The following SNX25 variants were observed in gnomAD, a reference collection of about 807,000 sequenced individuals.
The protein encoded by SNX25 is sorting nexin 25.
In SNX25, 62 loss-of-function variants were observed where a neutral mutation model predicts 113.7. That is an observed-to-expected ratio of 0.55 (90% CI 0.44 to 0.67). The LOEUF (loss-of-function observed/expected upper bound fraction) is 0.67. Among genes scored for constraint, SNX25 ranks in the 30% least tolerant of loss-of-function variants. The probability of loss-of-function intolerance (pLI) is 0.00; values close to 1 mark genes in which losing one functional copy is unlikely to be tolerated. For synonymous variants in SNX25, 421 were observed against 436.2 expected, an observed-to-expected ratio of 0.97 and a Z score of 0.43; for missense variants, 1,014 against 1,161.0, an observed-to-expected ratio of 0.87 and a Z score of 1.84.
chr4:185,319,193 CTTTT>C (rs143650995), intron 7 of SNX25, among the ~76,000 whole-genome samples: 2 of 85,970 alleles, frequency 2.3e-5, no homozygotes, highest in East Asian at 3.1e-4. Flanking sequence ...TGAGAAAGTC[CTTTT>C]TTTTTTTTTT....
chr4:185,284,670 G>T (rs1751101018), intron 5 of SNX25, among the ~76,000 whole-genome samples: 1 of 152,182 alleles, frequency 6.6e-6, no homozygotes, highest in South Asian at 2.1e-4. Flanking sequence ...ATTTGGGGAG[G>T]TGCAGGAGGT....
intron 9 of SNX25, among the ~76,000 whole-genome samples, chr4:185,331,506 C>T (rs1235430196): frequency 6.6e-6 from 1 of 152,152 alleles, no homozygotes; most frequent in East Asian, 1.9e-4. Context: ...ATGGGCCGGG[C>T]ACAGTGGCTC....
intron 10 of SNX25, among the ~76,000 whole-genome samples, chr4:185,333,286 A>G (rs1346983692): frequency 6.6e-6 from 1 of 152,206 alleles, no homozygotes; most frequent in East Asian, 1.9e-4. Flanking sequence ...AGAATTCAAC[A>G]AGGAGGTTTC....
chr4:185,280,177 A>C (rs1216448498), intron 5 of SNX25, among the ~76,000 whole-genome samples: 1 of 152,190 alleles, frequency 6.6e-6, no homozygotes, highest in Non-Finnish European at 1.5e-5. Flanking sequence ...TGGCCTCCCA[A>C]AGTATTGGAA....
chr4:185,356,035 A>G (rs1265905994), intron 15 of SNX25, among the ~76,000 whole-genome samples: 1 of 152,222 alleles, frequency 6.6e-6, no homozygotes, highest in Non-Finnish European at 1.5e-5. Flanking sequence ...GAGAATAAAT[A>G]GAACCTCATA....
At chr4:185,276,979 A>G (rs1255343585) in intron 5 of SNX25, among the ~76,000 whole-genome samples, 3 of 152,190 alleles carry the variant, frequency 2.0e-5, no homozygotes, top group Non-Finnish European at 2.9e-5. Flanking sequence ...CTTCTTATGT[A>G]TGGAATGAAG....
chr4:185,284,519 CTG>C (rs1194388361), intron 5 of SNX25, among the ~76,000 whole-genome samples: 34 of 152,098 alleles, frequency 2.2e-4, no homozygotes, highest in Admixed American at 2.2e-3. Context: ...AAGCATGAGA[CTG>C]TAGTTTTGAG....
At chr4:185,283,052 C>G (rs1441011971) in intron 5 of SNX25, among the ~76,000 whole-genome samples, 1 of 152,180 alleles carries the variant, frequency 6.6e-6, no homozygotes, top group Admixed American at 6.5e-5. Flanking sequence ...GTGAATTAAA[C>G]AAATTCAGTA....
intron 12 of SNX25, among the ~76,000 whole-genome samples, chr4:185,345,748 G>A (rs1016321431): frequency 6.6e-6 from 1 of 151,762 alleles, no homozygotes; most frequent in Non-Finnish European, 1.5e-5. Flanking sequence ...CCATGATCAC[G>A]CCACTGCACT....
rs1025554790 is a variant in SNX25 at position 185,209,646 on chromosome 4, G to C, written c.-181G>C. 2.7e-6 allele frequency: 2 copies of C among 741,558 alleles called. No individual in the cohort carries two copies. Among genetic ancestry groups the C allele is most frequent in the Non-Finnish European group, 1.6e-6 (1 of 607,306 alleles). The allele number at this position is 741,558 out of a possible 1,614,324, so 45.9% of individuals were successfully genotyped here. ...TGGCTGCGCCCGGCCCGGCAGCTAC[G>C]GGCCCAGCGCCTGGTGGCGGCGCTG... On this transcript the variant is annotated 5_prime_UTR_variant, in exon 1 of 19. Transcript: ENST00000652585. The surrounding 1 kb of genome is among the most constrained non-coding windows in gnomAD (Gnocchi z 5.2).
chr4:185,258,645 A>G (rs1746792284), intron 2 of SNX25, among the ~76,000 whole-genome samples: 1 of 152,302 alleles, frequency 6.6e-6, no homozygotes. Context: ...AATTTAGGAC[A>G]TGGTCACCAT....
intron 1 of SNX25, among the ~76,000 whole-genome samples, chr4:185,231,370 A>T (rs1310831720): frequency 6.7e-6 from 1 of 148,372 alleles, no homozygotes; most frequent in East Asian, 2.2e-4. Context: ...AAGTGCTGGG[A>T]TTACAGGCAT....
intron 1 of SNX25, among the ~76,000 whole-genome samples, chr4:185,228,499 G>A (rs572511684): frequency 5.6e-5 from 6 of 106,658 alleles, no homozygotes; most frequent in East Asian, 3.3e-4. Flanking sequence ...ATTACTGATA[G>A]TGAGAACTAT....
At chr4:185,344,921 T>G (rs1561037704) in intron 12 of SNX25, among the ~76,000 whole-genome samples, 2 of 152,198 alleles carry the variant, frequency 1.3e-5, no homozygotes, top group African/African-American at 4.8e-5. Flanking sequence ...AAAATTTGTC[T>G]CAGTATAACA....
rs769606520 is a variant in SNX25 at position 185,259,004 on chromosome 4, G to A, written c.671G>A (p.Cys224Tyr). ...LSHVDVVKVV[C>Y]NDVVRTLLTH... ...CACGTGGATGTGGTTAAAGTTGTCT[G>A]CAATGATGTTGTGAGGACTTTACTC... The change falls in exon 3 of 19, where the codon TGC becomes TAC. Residue 224 changes from cysteine (C) to tyrosine (Y), a missense_variant. Coordinates refer to ENST00000652585, the MANE Select transcript of SNX25 (RefSeq NM_001378034.2). 3 of 1,614,166 alleles carry A rather than the reference G, an allele frequency of 1.9e-6. No homozygotes were observed. Among genetic ancestry groups the A allele is most frequent in the Non-Finnish European group, 2.5e-6 (3 of 1,180,026 alleles).
intron 6 of SNX25, among the ~76,000 whole-genome samples, chr4:185,291,142 A>G (rs1752107048): frequency 6.7e-6 from 1 of 150,350 alleles, no homozygotes. Flanking sequence ...GGCCCTGATC[A>G]TTTAAAGGAG....
chr4:185,349,779 T>C (rs2095306284), intron 13 of SNX25, among the ~76,000 whole-genome samples: 2 of 152,222 alleles, frequency 1.3e-5, no homozygotes, highest in African/African-American at 4.8e-5. Context: ...TTTCCTTCAT[T>C]TGAATATAAT....
At chr4:185,339,597 G>A in intron 11 of SNX25, 87 bp downstream of exon 11, 1 of 1,486,246 alleles carries the variant, frequency 6.7e-7, no homozygotes. Context: ...AAGATTGAGG[G>A]TAGAAAACTT....
chr4:185,215,638 C>T (rs960076089), intron 1 of SNX25, among the ~76,000 whole-genome samples: 5 of 152,086 alleles, frequency 3.3e-5, no homozygotes, highest in African/African-American at 1.2e-4. Context: ...TGGATAATGG[C>T]ATATAATATA....
Sources: gnomAD v4.1 joint callset for allele counts (sites outside exome capture counted in the v4.1 genomes callset) on GRCh38, gnomAD v4.1.1 for gene constraint, Gnocchi (gnomAD v3.1) non-coding constraint, MANE v1.5 for transcripts, NCBI Gene and HGNC (gene_info 2026-07-23, HGNC 2026-07-21) for gene names.